PTPN4: variants seen among roughly 807,000 people sequenced by gnomAD.
The protein encoded by PTPN4 is tyrosine-protein phosphatase non-receptor type 4.
A neutral mutation model predicts 135.5 loss-of-function variants in PTPN4; 49 were observed. The observed-to-expected ratio is 0.36, with a 90% CI of 0.29 to 0.46. The LOEUF (loss-of-function observed/expected upper bound fraction) is 0.46, where lower values mean the gene tolerates loss of function less well. Ranked by LOEUF, PTPN4 falls within the 20% of genes least tolerant of loss-of-function variation. The pLI, the probability that PTPN4 is intolerant of heterozygous loss-of-function variation, is 1.00. For missense variants in PTPN4, 860 were observed against 1,101.0 expected (o/e 0.78, Z 3.10); for synonymous variants, 333 against 369.9 (o/e 0.90, Z 1.14).
intron 1 of PTPN4, among the ~76,000 whole-genome samples, chr2:119,808,782 T>C (rs1401248789): frequency 6.6e-6 from 1 of 152,192 alleles, no homozygotes; most frequent in Non-Finnish European, 1.5e-5. Context: ...ATAGTAAGAC[T>C]TTTTTCCCCT....
intron 1 of PTPN4, among the ~76,000 whole-genome samples, chr2:119,779,547 G>A (rs1446461892): frequency 1.3e-5 from 2 of 151,694 alleles, no homozygotes; most frequent in Non-Finnish European, 2.9e-5. Context: ...AACCCGGGAG[G>A]CGGAGCTTGC....
intron 2 of PTPN4, among the ~76,000 whole-genome samples, chr2:119,836,803 G>C (rs953269900): frequency 6.6e-6 from 1 of 152,180 alleles, no homozygotes; most frequent in Non-Finnish European, 1.5e-5. Context: ...ACCTAGCTGG[G>C]TGTGTGTGTG....
chr2:119,935,002 C>T (rs1678961185), intron 15 of PTPN4, 44 bp downstream of exon 15: 1 of 1,535,328 alleles, frequency 6.5e-7, no homozygotes, highest in Non-Finnish European at 8.9e-7. Flanking sequence ...TTCAAATGCC[C>T]CAAATTGCTT....
intron 2 of PTPN4, among the ~76,000 whole-genome samples, chr2:119,817,765 AT>A (rs1287923584): frequency 6.6e-6 from 1 of 152,210 alleles, no homozygotes; most frequent in Non-Finnish European, 1.5e-5. Flanking sequence ...TAGTATGACC[AT>A]GTTAACGATA....
intron 13 of PTPN4, among the ~76,000 whole-genome samples, 197 bp downstream of exon 13, chr2:119,926,863 T>G (rs956525284): frequency 1.3e-5 from 2 of 152,130 alleles, no homozygotes; most frequent in Non-Finnish European, 2.9e-5. Flanking sequence ...ATTCATTTTT[T>G]ATATTAATAG....
At chr2:119,793,351 G>C (rs1691185859) in intron 1 of PTPN4, among the ~76,000 whole-genome samples, 1 of 152,190 alleles carries the variant, frequency 6.6e-6, no homozygotes, top group Non-Finnish European at 1.5e-5. Context: ...CTCCCAGGCA[G>C]TTAGACCTAA....
intron 2 of PTPN4, among the ~76,000 whole-genome samples, chr2:119,826,741 CTT>C (rs1677152322): frequency 6.6e-6 from 1 of 152,098 alleles, no homozygotes; most frequent in African/African-American, 2.4e-5. Context: ...TTAAAATAAT[CTT>C]AGGTGAGTGT....
chr2:119,781,998 T>G (rs1247593284), intron 1 of PTPN4, among the ~76,000 whole-genome samples: 2 of 152,200 alleles, frequency 1.3e-5, no homozygotes, highest in Non-Finnish European at 2.9e-5. Context: ...AGAAAGGAAT[T>G]TTTTTTAAAT....
In PTPN4 at chr2:119,967,928, G is replaced by T. The variant is rs780296553; in HGVS notation, c.2650G>T (p.Val884Leu). ...TCAGCCAGTTTATCCACTAGATATT[G>T]TAAGAACAATGAGAGATCAGCGAGC... ...CNQPVYPLDI[V>L]RTMRDQRAMM... is the part of the protein sequence containing the mutation. The change falls in exon 26 of 27, where the codon GTA (valine) becomes TTA (leucine). Residue 884 changes from valine to leucine, a missense_variant. Physicochemically the swap from Val to Leu is conservative, Grantham distance 32. Transcript: ENST00000263708. The T allele has an allele frequency of 1.9e-6, 3 of 1,610,052 alleles. No individual in the cohort carries two copies. The highest frequency in any genetic ancestry group is 2.5e-6 in the Non-Finnish European group (3 of 1,177,196).
chr2:119,817,420 G>C (rs1388525661), intron 2 of PTPN4, among the ~76,000 whole-genome samples: 1 of 150,646 alleles, frequency 6.6e-6, no homozygotes, highest in African/African-American at 2.4e-5. Context: ...CTTCATTTCA[G>C]CCTTGGTGAA....
At chr2:119,899,822 T>A (rs906509207) in intron 9 of PTPN4, among the ~76,000 whole-genome samples, 7 of 152,146 alleles carry the variant, frequency 4.6e-5, no homozygotes, top group African/African-American at 1.7e-4. Context: ...TTTGACCATT[T>A]ATGTATTACC....
chr2:119,816,899 A>G (rs773418581), intron 2 of PTPN4, among the ~76,000 whole-genome samples: 1 of 152,232 alleles, frequency 6.6e-6, no homozygotes, highest in Non-Finnish European at 1.5e-5. Context: ...TAAGGCCACC[A>G]TCATTTGCAA....
chr2:119,976,721 G>C (rs1402252560), intron 26 of PTPN4, among the ~76,000 whole-genome samples: 19 of 152,156 alleles, frequency 1.2e-4, no homozygotes, highest in Admixed American at 1.0e-3. Context: ...TTTCTTATAT[G>C]CTGCCAAATT....
intron 2 of PTPN4, among the ~76,000 whole-genome samples, chr2:119,827,870 G>A (rs113364777): frequency 6.6e-6 from 1 of 152,078 alleles, no homozygotes; most frequent in Non-Finnish European, 1.5e-5. Flanking sequence ...CCCCATTGCT[G>A]TATAATACTT....
intron 1 of PTPN4, among the ~76,000 whole-genome samples, chr2:119,782,475 G>A (rs1203266371): frequency 6.6e-6 from 1 of 152,018 alleles, no homozygotes; most frequent in Non-Finnish European, 1.5e-5. Flanking sequence ...CAAATGTTTA[G>A]TCATCCTATG....
intron 2 of PTPN4, among the ~76,000 whole-genome samples, chr2:119,825,810 G>T (rs1421127275): frequency 6.6e-6 from 1 of 152,034 alleles, no homozygotes; most frequent in Non-Finnish European, 1.5e-5. Context: ...CAAGCCCTTT[G>T]ACCCTTCAAA....
chr2:119,874,921 G>T (rs1427152098), intron 3 of PTPN4, among the ~76,000 whole-genome samples: 1 of 152,096 alleles, frequency 6.6e-6, no homozygotes, highest in South Asian at 2.1e-4. Context: ...TTCTTCTCAC[G>T]TGTGTGTCAT....
chr2:119,844,141 C>A, intron 2 of PTPN4, among the ~76,000 whole-genome samples: 1 of 95,046 alleles, frequency 1.1e-5, no homozygotes, highest in African/African-American at 4.3e-5. Context: ...GGCGGCTGGC[C>A]GGGCGGGGGG....
chr2:119,792,660 G>A (rs1358183423), intron 1 of PTPN4, among the ~76,000 whole-genome samples: 2 of 152,212 alleles, frequency 1.3e-5, no homozygotes, highest in Admixed American at 6.5e-5. Flanking sequence ...CCAGGAGATT[G>A]TGAACCAGAA....
Sources: allele counts gnomAD v4.1 joint callset (sites outside exome capture counted in the v4.1 genomes callset), GRCh38; gene constraint gnomAD v4.1.1; transcripts MANE v1.5; gene names NCBI Gene and HGNC (gene_info 2026-07-23, HGNC 2026-07-21).